CNTNAP3B: variants seen among roughly 807,000 people sequenced by gnomAD.
The protein encoded by CNTNAP3B is contactin associated protein family member 3B.
CNTNAP3B carries 25 observed loss-of-function variants against 108.9 expected under a neutral mutation model. The observed-to-expected ratio is 0.23, with a 90% confidence interval of 0.17 to 0.32. CNTNAP3B has a LOEUF of 0.32. Ranked by LOEUF, CNTNAP3B falls within the 10% of genes least tolerant of loss-of-function variation. The pLI is 1.00. For synonymous variants in CNTNAP3B, 103 were observed against 473.4 expected, an observed-to-expected ratio of 0.22 and a Z score of 10.16; for missense variants, 252 against 1,210.4, an observed-to-expected ratio of 0.21 and a Z score of 11.75.
chr9:41,987,754 A>G (rs1825735078), intron 8 of CNTNAP3B, among the ~76,000 whole-genome samples: 1 of 148,402 alleles, frequency 6.7e-6, no homozygotes, highest in Non-Finnish European at 1.5e-5. Context: ...TAAATGGGCT[A>G]AAAATAAGAT....
intron 14 of CNTNAP3B, among the ~76,000 whole-genome samples, chr9:41,937,135 A>ATTG (rs1376599477): frequency 6.7e-6 from 1 of 149,294 alleles, no homozygotes; most frequent in East Asian, 1.9e-4. Context: ...TATTATTATT[A>ATTG]TTATTATTTT....
intron 2 of CNTNAP3B, among the ~76,000 whole-genome samples, chr9:42,078,980 A>T (rs1247576908): frequency 2.0e-5 from 3 of 150,726 alleles, no homozygotes; most frequent in African/African-American, 7.4e-5. Flanking sequence ...AGTTCCCTTT[A>T]AGTAAATTTT....
chr9:41,986,158 C>T lies in CNTNAP3B; in HGVS notation c.1477+10G>A. 4 of 1,149,608 alleles carry T rather than the reference C, an allele frequency of 3.5e-6. 1 individual carries two copies. The South Asian group carries it at 5.7e-5, about 17-fold the overall frequency. The allele number at this position is 1,149,608 out of a possible 1,614,324, so 71.2% of individuals were successfully genotyped here. ...TCCACTGCCAGTGTCATTCAGTTGCCTTCTCTTACCTCCAAAATAATAGGT... is the reference window on the plus strand; with the variant it reads ...TCCACTGCCAGTGTCATTCAGTTGCTTTCTCTTACCTCCAAAATAATAGGT... On this transcript the variant is annotated intron_variant, in intron 9 of 23. Transcript: ENST00000377561.
intron 2 of CNTNAP3B, among the ~76,000 whole-genome samples, chr9:42,094,182 G>A (rs1363531330): frequency 7.2e-6 from 1 of 138,922 alleles, no homozygotes; most frequent in Non-Finnish European, 1.5e-5. Context: ...TAAGCACACT[G>A]GCATATGATA....
At chr9:41,963,391 A>C (rs990454359) in intron 11 of CNTNAP3B, among the ~76,000 whole-genome samples, 1 of 151,842 alleles carries the variant, frequency 6.6e-6, no homozygotes, top group African/African-American at 2.4e-5. Flanking sequence ...AATAGGAAAA[A>C]AAAGGCTTTT....
chr9:41,917,872 A>G (rs1339078182), intron 18 of CNTNAP3B, among the ~76,000 whole-genome samples: 1 of 151,600 alleles, frequency 6.6e-6, no homozygotes, highest in Non-Finnish European at 1.5e-5. Flanking sequence ...CTTCTTGGCT[A>G]TATCCATATA....
Position 41,953,394 on chromosome 9 carries a change from G to C in CNTNAP3B, c.1877-8C>G, listed in dbSNP as rs1405081476. ...CCGTCCACGCGGAGTCTGCTGAGCA[G>C]AAACGGGCAAAGGAGAGGCATCACT... is the stretch of plus-strand genomic sequence containing the variant. On this transcript the variant is annotated splice_region_variant and splice_polypyrimidine_tract_variant and intron_variant, in intron 12 of 23. Coordinates refer to ENST00000377561, the MANE Select transcript of CNTNAP3B (RefSeq NM_001201380.3). 1.3e-6 allele frequency: 2 copies of C among 1,538,648 alleles called. No individual in the cohort carries two copies. Among genetic ancestry groups the C allele is most frequent in the Non-Finnish European group, 1.7e-6 (2 of 1,145,024 alleles).
intron 3 of CNTNAP3B, among the ~76,000 whole-genome samples, chr9:42,070,456 AG>A (rs1196743961): frequency 2.0e-5 from 3 of 147,338 alleles, no homozygotes; most frequent in Non-Finnish European, 3.0e-5. Flanking sequence ...CACACCTGGC[AG>A]CAGGGCTGAC....
intron 13 of CNTNAP3B, among the ~76,000 whole-genome samples, chr9:41,944,700 C>A (rs1287187475): frequency 2.6e-5 from 4 of 152,040 alleles, no homozygotes; most frequent in African/African-American, 9.6e-5. Context: ...TCAATAATCA[C>A]TTTAAATGTA....
intron 10 of CNTNAP3B, 126 bp downstream of exon 10, chr9:41,969,948 A>G (rs1485532305): frequency 4.4e-6 from 6 of 1,372,092 alleles, no homozygotes; most frequent in Admixed American, 2.5e-5. Flanking sequence ...AATTATGACT[A>G]TTTCATTCCC....
intron 18 of CNTNAP3B, among the ~76,000 whole-genome samples, chr9:41,918,418 T>G (rs1407689721): frequency 6.8e-6 from 1 of 146,312 alleles, no homozygotes; most frequent in Non-Finnish European, 1.5e-5. Context: ...ATTTTAATTT[T>G]ATATCAAGTT....
chr9:41,958,460 T>C (rs1384735001), intron 12 of CNTNAP3B, among the ~76,000 whole-genome samples: 3 of 152,148 alleles, frequency 2.0e-5, no homozygotes, highest in Admixed American at 6.5e-5. Flanking sequence ...CCAGATGTGA[T>C]GTACCAGGTA....
chr9:41,943,800 G>T (rs1420905920), intron 13 of CNTNAP3B, among the ~76,000 whole-genome samples: 4 of 152,240 alleles, frequency 2.6e-5, no homozygotes, highest in Admixed American at 2.6e-4. Flanking sequence ...GAAACCATAG[G>T]TTCAGGAATC....
chr9:41,978,967 A>T (rs1464601169), intron 9 of CNTNAP3B, among the ~76,000 whole-genome samples: 36 of 143,138 alleles, frequency 2.5e-4, no homozygotes, highest in South Asian at 8.8e-4. Context: ...TTTTTTTGAA[A>T]AAGGGATTTA....
chr9:41,960,538 G>A (rs1450654723), intron 12 of CNTNAP3B, among the ~76,000 whole-genome samples: 1 of 152,252 alleles, frequency 6.6e-6, no homozygotes, highest in African/African-American at 2.4e-5. Context: ...TGTATTATGA[G>A]GAGTGTAGGA....
At position 42,082,974 on chromosome 9, in the gene CNTNAP3B, T is replaced by G. The variant is rs1167184387; in HGVS notation, c.197-5912A>C. On this transcript the variant is annotated intron_variant, in intron 2 of 23. Coordinates refer to ENST00000377561, the MANE Select transcript of CNTNAP3B (RefSeq NM_001201380.3). Reference sequence around the variant, plus strand: ...ACACTTTAAATAAAAAAGGCTCAAATAGCCTAAGTGTAAACACATGGAAAA... The same window carrying G: ...ACACTTTAAATAAAAAAGGCTCAAAGAGCCTAAGTGTAAACACATGGAAAA... 5.7e-5 allele frequency among the ~76,000 whole-genome samples: 8 copies of G among 139,352 alleles called. 2 individuals carry two copies. Among genetic ancestry groups the G allele is most frequent in the African/African-American group, 2.3e-4 (8 of 35,328 alleles). The allele number at this position is 139,352 out of a possible 152,430, so 91.4% of individuals were successfully genotyped here.
At chr9:42,066,751 AAAT>A (rs1172493819) in intron 3 of CNTNAP3B, among the ~76,000 whole-genome samples, 1 of 132,940 alleles carries the variant, frequency 7.5e-6, no homozygotes, top group Non-Finnish European at 1.6e-5. Context: ...TTCAAGGATC[AAAT>A]AATAATAATT....
In CNTNAP3B at chr9:42,075,859, T is replaced by TATC. The variant is rs1359127842; in HGVS notation, c.390+1009_390+1010insGAT. On this transcript the variant is annotated intron_variant, in intron 3 of 23. Transcript: ENST00000377561. ...TACTTATTATTATTATTATTATTAT[T>TATC]ATTATTATTATTATTGAGACAGAGT... Among the ~76,000 whole-genome samples, 3 of 108,794 alleles carry TATC rather than the reference T, an allele frequency of 2.8e-5. No homozygotes were observed. In the East Asian group the frequency reaches 7.7e-4, roughly 28 times the overall value. The allele number at this position is 108,794 out of a possible 152,430, so 71.4% of individuals were successfully genotyped here.
At chr9:42,122,241 C>G (rs1469420180) in intron 1 of CNTNAP3B, among the ~76,000 whole-genome samples, 1 of 139,606 alleles carries the variant, frequency 7.2e-6, no homozygotes, top group Non-Finnish European at 1.5e-5. Flanking sequence ...ATCTCAAAAT[C>G]TATGTGATAT....
Sources: gnomAD v4.1 joint callset for allele counts (sites outside exome capture counted in the v4.1 genomes callset) on GRCh38, gnomAD v4.1.1 for gene constraint, MANE v1.5 for transcripts, NCBI Gene and HGNC (gene_info 2026-07-23, HGNC 2026-07-21) for gene names.